Variants in MSN observed in about 807,000 individuals in gnomAD.
MSN encodes epididymis luminal protein 70.
MSN carries 2 observed loss-of-function variants against 48.0 expected under a neutral mutation model. The observed-to-expected ratio is 0.04, with a 90% CI of 0.02 to 0.13. MSN has a LOEUF of 0.13. Ranked by LOEUF, MSN falls within the 10% of genes least tolerant of loss-of-function variation. The pLI is 1.00. For missense variants in MSN, 267 were observed against 470.1 expected (o/e 0.57, Z 3.99); for synonymous variants, 146 against 166.9 (o/e 0.87, Z 0.97).
chrX:65,669,390 C>T (rs989215451), intron 1 of MSN, among the ~76,000 whole-genome samples: 2 of 111,460 alleles, frequency 1.8e-5, no homozygotes, highest in Non-Finnish European at 3.8e-5. Flanking sequence ...CATTGCTCCA[C>T]GGTCTTTCTT....
At chrX:65,604,721 C>T (rs1205233301) in intron 1 of MSN, among the ~76,000 whole-genome samples, 1 of 111,901 alleles carries the variant, frequency 8.9e-6, no homozygotes, top group African/African-American at 3.3e-5. Context: ...CTAACTCTTC[C>T]ATCTCCTTCA....
intron 1 of MSN, among the ~76,000 whole-genome samples, chrX:65,612,225 T>C (rs1261146538): frequency 9.0e-6 from 1 of 110,841 alleles, no homozygotes; most frequent in Non-Finnish European, 1.9e-5. Flanking sequence ...AAGGCAAGTT[T>C]GGTCCCCTTT....
intron 1 of MSN, among the ~76,000 whole-genome samples, chrX:65,709,409 G>T (rs2071394096): frequency 8.9e-6 from 1 of 112,266 alleles, no homozygotes; most frequent in South Asian, 3.7e-4. Context: ...ACCTCAGGCT[G>T]CTATCCCTGG....
At chrX:65,699,364 T>C (rs2071277819) in intron 1 of MSN, among the ~76,000 whole-genome samples, 1 of 111,725 alleles carries the variant, frequency 9.0e-6, no homozygotes. Flanking sequence ...CCACCCTGTG[T>C]TACCAATGCT....
At chrX:65,599,916 T>C (rs1262937098) in intron 1 of MSN, among the ~76,000 whole-genome samples, 4 of 110,729 alleles carry the variant, frequency 3.6e-5, no homozygotes, top group Non-Finnish European at 7.6e-5. Context: ...TCTATGAAGA[T>C]TCCCTCTGGC....
chrX:65,673,981 G>A (rs992133441), intron 1 of MSN, among the ~76,000 whole-genome samples: 5 of 111,274 alleles, frequency 4.5e-5, no homozygotes, highest in South Asian at 7.5e-4. Flanking sequence ...TGACATGACC[G>A]TGGAGTTATG....
At chrX:65,652,209 G>A (rs769385033) in intron 1 of MSN, among the ~76,000 whole-genome samples, 182 of 110,714 alleles carry the variant, frequency 1.6e-3, no homozygotes, top group Middle Eastern at 4.7e-3. Context: ...GTGGAGCACC[G>A]GAAGGCTGGT....
At chrX:65,608,827 A>C (rs1327499639) in intron 1 of MSN, among the ~76,000 whole-genome samples, 2 of 111,170 alleles carry the variant, frequency 1.8e-5, no homozygotes, top group East Asian at 5.7e-4. Flanking sequence ...ACAGGGTTGT[A>C]TAAAAATTCA....
upstream of MSN, among the ~76,000 whole-genome samples, chrX:65,666,294 AGG>A (rs915723895): frequency 9.1e-6 from 1 of 109,474 alleles, no homozygotes; most frequent in African/African-American, 3.3e-5. Flanking sequence ...GTAGGATTAC[AGG>A]TGTAAGCCAC....
chrX:65,707,111 C>G (rs912806419), intron 1 of MSN, among the ~76,000 whole-genome samples: 1 of 111,368 alleles, frequency 9.0e-6, no homozygotes, highest in South Asian at 3.8e-4. Flanking sequence ...TTATTTGAAA[C>G]TGGCAGGCCC....
chrX:65,639,444 C>T (rs1427062041), intron 1 of MSN, among the ~76,000 whole-genome samples: 1 of 112,371 alleles, frequency 8.9e-6, no homozygotes, highest in Non-Finnish European at 1.9e-5. Flanking sequence ...CGTGCCTGGC[C>T]TGAAAGCTCA....
chrX:65,600,206 G>A (rs2070223054), intron 1 of MSN, among the ~76,000 whole-genome samples: 1 of 111,313 alleles, frequency 9.0e-6, no homozygotes, highest in South Asian at 3.8e-4. Flanking sequence ...TCTTTTCCTA[G>A]CTTATGATTG....
intron 1 of MSN, among the ~76,000 whole-genome samples, chrX:65,660,618 G>A (rs1259704232): frequency 9.5e-6 from 1 of 104,820 alleles, no homozygotes; most frequent in African/African-American, 3.5e-5. Flanking sequence ...CCAGGCTGGA[G>A]TGCAGTGGCG....
chrX:65,608,365 G>A (rs1305587370), intron 1 of MSN, among the ~76,000 whole-genome samples: 1 of 111,208 alleles, frequency 9.0e-6, no homozygotes, highest in Non-Finnish European at 1.9e-5. Flanking sequence ...TAGGAGATGT[G>A]TTCATACCTG....
chrX:65,729,328 T>C (rs968611352), intron 3 of MSN, 110 bp from the exon 4 acceptor site: 6 of 914,373 alleles, frequency 6.6e-6, no homozygotes, highest in African/African-American at 4.0e-5. Context: ...CACCCAGCTG[T>C]CTAAGATTAT....
At chrX:65,730,320 C>G (rs2071610430) in intron 4 of MSN, among the ~76,000 whole-genome samples, 1 of 112,132 alleles carries the variant, frequency 8.9e-6, no homozygotes. Flanking sequence ...TGCAGCTCAT[C>G]TGAGGCAGAG....
chrX:65,599,985 G>C, intron 1 of MSN, among the ~76,000 whole-genome samples: 1 of 108,358 alleles, frequency 9.2e-6, no homozygotes, highest in Non-Finnish European at 1.9e-5. Flanking sequence ...AGCCGTGACA[G>C]ATCTTTGCTG....
intron 1 of MSN, among the ~76,000 whole-genome samples, chrX:65,628,402 G>C (rs914221419): frequency 1.8e-5 from 2 of 112,801 alleles, no homozygotes; most frequent in African/African-American, 6.4e-5. Flanking sequence ...GCCAGGGCTT[G>C]GGGCTTCCAC....
intron 1 of MSN, among the ~76,000 whole-genome samples, chrX:65,650,450 C>T (rs2070734290): frequency 8.9e-6 from 1 of 112,561 alleles, no homozygotes; most frequent in Non-Finnish European, 1.9e-5. Flanking sequence ...AGCTTCTCTC[C>T]TACCACGTTC....
Sources: gnomAD v4.1 joint callset for allele counts (sites outside exome capture counted in the v4.1 genomes callset) on GRCh38, gnomAD v4.1.1 for gene constraint, MANE v1.5 for transcripts, NCBI Gene and HGNC (gene_info 2026-07-23, HGNC 2026-07-21) for gene names.